Variants in FRMD1 observed in about 807,000 individuals in gnomAD.
FRMD1 encodes the protein FERM domain-containing protein 1.
Under a neutral mutation model 54.9 loss-of-function variants are expected in FRMD1, and 51 were observed. That is an observed-to-expected ratio of 0.93 (90% confidence interval 0.74 to 1.17). FRMD1 has a LOEUF of 1.17. Among genes scored for constraint, FRMD1 ranks in the 50% most tolerant of loss-of-function variants. FRMD1 has a pLI of 0.00. For synonymous variants in FRMD1, 324 were observed against 306.4 expected (o/e 1.06, Z -0.60); for missense variants, 729 against 743.0 (o/e 0.98, Z 0.22).
rs1010706829 is a variant in FRMD1 at position 168,054,781 on chromosome 6, G to C, written c.*2316C>G. ...AGGATGGCCTTCTGCTTCCAGCTCCGCTCCTGCCCCTCCAGGTGTGGGTGA... is the reference window on the plus strand; with the variant it reads ...AGGATGGCCTTCTGCTTCCAGCTCCCCTCCTGCCCCTCCAGGTGTGGGTGA... On this transcript the variant is annotated 3_prime_UTR_variant, in exon 11 of 11. Coordinates refer to ENST00000283309, the MANE Select transcript of FRMD1 (RefSeq NM_024919.6). 6 of 152,260 alleles carry C rather than the reference G, an allele frequency of 3.9e-5. No homozygotes were observed. The highest frequency in any genetic ancestry group is 8.8e-5 in the Non-Finnish European group (6 of 68,112). 9.4% of individuals were successfully genotyped at this position (152,260 alleles called of 1,614,324 possible). A position where few individuals can be genotyped will look rare whatever the true frequency, so the allele number is the denominator to read the frequency against.
In FRMD1 at chr6:168,054,515, G is replaced by A. The variant is rs1799344420; in HGVS notation, c.*2582C>T. ...ACCGGCCTGCCTCATGCCACCTGAA[G>A]GCCACAAGCCCCCCTGTACACAGCG... is the stretch of plus-strand genomic sequence containing the variant. On this transcript the variant is annotated 3_prime_UTR_variant, in exon 11 of 11. Transcript: ENST00000283309. The A allele has an allele frequency of 7.4e-6, 1 of 134,386 alleles. No individual in the cohort carries two copies. Among genetic ancestry groups the A allele is most frequent in the South Asian group, 2.3e-4 (1 of 4,322 alleles). The allele number at this position is 134,386 out of a possible 1,614,324, so 8.3% of individuals were successfully genotyped here. A position where few individuals can be genotyped will look rare whatever the true frequency, so the allele number is the denominator to read the frequency against.
rs1800602075 is a variant in FRMD1, at chr6:168,076,508, TAGTG to T, written c.214-1177_214-1174del. 2.0e-5 allele frequency among the ~76,000 whole-genome samples: 3 copies of T among 152,308 alleles called. No individual in the cohort carries two copies. In the South Asian group the frequency reaches 6.2e-4, roughly 32 times the overall value. On this transcript the variant is annotated intron_variant, in intron 1 of 10. Coordinates refer to ENST00000283309, the MANE Select transcript of FRMD1 (RefSeq NM_024919.6). ...TGGTTCCCCCATCCAGTTCTCATGATAGTGAGAGAGTTCTCATGAGATCTGATGG... is the reference window on the plus strand; with the variant it reads ...TGGTTCCCCCATCCAGTTCTCATGATAGAGAGTTCTCATGAGATCTGATGG...
Position 168,079,069 on chromosome 6 carries a change from C to G in FRMD1, c.26G>C (p.Gly9Ala), listed in dbSNP as rs773483168. ...AGGGTTTGTCCGGGCGGGGTCTATG[C>G]CCCTCCCTCTCGGGGGCACCGCCAT... MAVPPRGRGIDPARTNPDT... is the reference protein window; with the variant it reads MAVPPRGRAIDPARTNPDT... The change falls in exon 1 of 11, where the codon GGC becomes GCC. Residue 9 changes from glycine (G) to alanine (A), a missense_variant. By Grantham distance (60) the Gly-to-Ala change is moderately conservative (BLOSUM62 0). Transcript: ENST00000283309. 1.9e-6 allele frequency: 3 copies of G among 1,607,968 alleles called. No individual in the cohort carries two copies. The highest frequency in any genetic ancestry group is 2.5e-6 in the Non-Finnish European group (3 of 1,179,464).
intron 10 of FRMD1, among the ~76,000 whole-genome samples, chr6:168,058,099 G>A (rs139728470): frequency 5.3e-5 from 8 of 152,308 alleles, no homozygotes; most frequent in East Asian, 1.9e-4. Flanking sequence ...GGATGGGCCC[G>A]CGCCTGCCAG....
intron 4 of FRMD1, 178 bp downstream of exon 4, chr6:168,066,577 G>C: frequency 1.4e-6 from 2 of 1,408,652 alleles, no homozygotes; most frequent in Non-Finnish European, 1.8e-6. Context: ...TATACCTTTC[G>C]ATTAAATAGA....
In FRMD1 at chr6:168,087,258, A is replaced by C. The variant is rs543800515; in HGVS notation, c.-11-8234T>G. ...ATGTTTTGTATTTTTTGGTAGACAC[A>C]GGGTTTCTCCATGTTGCCCAGACCG... On this transcript the variant is annotated intron_variant, in intron 1 of 12. Transcript: ENST00000644440. Among the ~76,000 whole-genome samples, 4 of 152,192 alleles carry C rather than the reference A, an allele frequency of 2.6e-5. No individual in the cohort carries two copies. In the South Asian group the frequency reaches 8.3e-4, roughly 32 times the overall value.
intron 1 of FRMD1, among the ~76,000 whole-genome samples, chr6:168,087,691 T>C (rs892409571): frequency 5.9e-5 from 9 of 152,134 alleles, no homozygotes. Flanking sequence ...TGTGAGGACA[T>C]CCCACTCCCA....
Position 168,058,526 on chromosome 6 carries a change from G to A in FRMD1, c.1407+598C>T, listed in dbSNP as rs528197395. Among the ~76,000 whole-genome samples, 373 of 152,166 alleles carry A rather than the reference G, an allele frequency of 2.5e-3. 1 individual carries two copies. The highest frequency in any genetic ancestry group is 4.2e-3 in the Non-Finnish European group (288 of 67,982). ...GGATTCTGAACAGGGCTGACCAGAG[G>A]GGGCCTCACCCTCCTGTGGTGGAGC... On this transcript the variant is annotated intron_variant, in intron 10 of 10. Transcript: ENST00000283309.
At chr6:168,072,982 T>TG (rs1277666449) in intron 2 of FRMD1, among the ~76,000 whole-genome samples, 1 of 152,116 alleles carries the variant, frequency 6.6e-6, no homozygotes, top group East Asian at 1.9e-4. Context: ...CAGGTTCCCA[T>TG]GGGGGCACAG....
At chr6:168,084,727 G>A (rs1028538409), upstream of FRMD1, among the ~76,000 whole-genome samples, 1 of 152,220 alleles carries the variant, frequency 6.6e-6, no homozygotes, top group Non-Finnish European at 1.5e-5. Flanking sequence ...ATTTTGTAGG[G>A]AAAAAGCCCT....
intron 10 of FRMD1, 107 bp from the exon 11 acceptor site, chr6:168,057,446 C>A: frequency 6.6e-7 from 1 of 1,508,890 alleles, no homozygotes; most frequent in African/African-American, 1.4e-5. Flanking sequence ...CCTGCCAATG[C>A]CCACCCTGCG....
intron 3 of FRMD1, 145 bp downstream of exon 3, chr6:168,067,222 G>A: frequency 1.5e-6 from 1 of 652,116 alleles, no homozygotes; most frequent in Non-Finnish European, 2.8e-6. Context: ...GTCCACCGTG[G>A]TGCCCTGCTC....
chr6:168,059,246 C>T lies in FRMD1; in HGVS notation c.1343-58G>A. ...CTGGGTTCTGCCCGACATGGCTCCT[C>T]CCCAGGGCAGTTCCCTGCACTTCTG... On this transcript the variant is annotated intron_variant, in intron 9 of 10. Transcript: ENST00000283309. The surrounding 1 kb of genome is among the most constrained non-coding windows in gnomAD (Gnocchi z 4.4). 6.9e-7 allele frequency: 1 copy of T among 1,450,634 alleles called. No homozygotes were observed. The highest frequency in any genetic ancestry group is 1.2e-5 in the South Asian group (1 of 81,924). The allele number at this position is 1,450,634 out of a possible 1,614,324, so 89.9% of individuals were successfully genotyped here. A position where few individuals can be genotyped will look rare whatever the true frequency, so the allele number is the denominator to read the frequency against.
At chr6:168,088,913 TG>T (rs1223871080) in intron 1 of FRMD1, among the ~76,000 whole-genome samples, 2 of 152,200 alleles carry the variant, frequency 1.3e-5, no homozygotes, top group Non-Finnish European at 2.9e-5. Context: ...CCGGCCTGCC[TG>T]TCAACCTCCC....
At chr6:168,081,326 C>A, upstream of FRMD1, 1 of 1,510,042 alleles carries the variant, frequency 6.6e-7, no homozygotes, top group Non-Finnish European at 8.8e-7. Context: ...GTGACCGGGC[C>A]CCAACACTGA....
rs1562426283 is a variant in FRMD1, at chr6:168,075,218, T to C, written c.304+27A>G. The C allele has an allele frequency of 1.9e-6, 3 of 1,604,294 alleles. No homozygotes were observed. In the Admixed American group the frequency reaches 5.0e-5, roughly 27 times the overall value. ...AGCAGATGCGGCCCCTGGGCATTCCTGCAGGTGGGGACTGAGCGATGCTTA... is the reference window on the plus strand; with the variant it reads ...AGCAGATGCGGCCCCTGGGCATTCCCGCAGGTGGGGACTGAGCGATGCTTA... On this transcript the variant is annotated intron_variant, in intron 2 of 10. Coordinates refer to ENST00000283309, the MANE Select transcript of FRMD1 (RefSeq NM_024919.6).
chr6:168,091,391 C>T (rs1461424162), intron 1 of FRMD1, among the ~76,000 whole-genome samples: 3 of 152,194 alleles, frequency 2.0e-5, no homozygotes, highest in African/African-American at 7.2e-5. Flanking sequence ...TGTCACTGCC[C>T]AGAGCCATCT....
At chr6:168,088,031 C>T (rs1800951170) in intron 1 of FRMD1, among the ~76,000 whole-genome samples, 1 of 152,102 alleles carries the variant, frequency 6.6e-6, no homozygotes, top group Non-Finnish European at 1.5e-5. Context: ...CCCCTGGGAC[C>T]CTGCCCCGAA....
In FRMD1 at chr6:168,061,795, G is replaced by A. The variant is rs768792245; in HGVS notation, c.1045+12C>T. 145 of 1,544,576 alleles carry A rather than the reference G, an allele frequency of 9.4e-5. No homozygotes were observed. The highest frequency in any genetic ancestry group is 1.2e-4 in the Non-Finnish European group (143 of 1,145,894). On this transcript the variant is annotated intron_variant, in intron 8 of 10. Transcript: ENST00000283309. ...CCGGCTGCGGAGCCCAGCATACCCA[G>A]CCCAGCCCCACCTTCTGCCTCCTCC...
Sources: allele counts gnomAD v4.1 joint callset (sites outside exome capture counted in the v4.1 genomes callset), GRCh38; gene constraint gnomAD v4.1.1; non-coding constraint Gnocchi (gnomAD v3.1); transcripts MANE v1.5; gene names NCBI Gene and HGNC (gene_info 2026-07-23, HGNC 2026-07-21).